Variants in TGIF1 observed in about 807,000 individuals in gnomAD.
TGIF1 encodes the protein homeobox protein TGIF1.
Under a neutral mutation model 19.3 loss-of-function variants are expected in TGIF1, and 4 were observed. That is an observed-to-expected ratio of 0.21 (90% CI 0.10 to 0.47). The LOEUF (loss-of-function observed/expected upper bound fraction) is 0.47, where lower values mean the gene tolerates loss of function less well. Among genes scored for constraint, TGIF1 ranks in the 20% least tolerant of loss-of-function variants. TGIF1 has a pLI of 0.98. For synonymous variants in TGIF1, 122 were observed against 129.3 expected (o/e 0.94, Z 0.38); for missense variants, 275 against 341.4 (o/e 0.81, Z 1.53).
At chr18:3,452,301 C>T in intron 1 of TGIF1, 2 of 1,612,684 alleles carry the variant, frequency 1.2e-6, no homozygotes, top group South Asian at 2.2e-5. Flanking sequence ...CCGCCGGCCG[C>T]ATCGGTGGGA....
intron 2 of TGIF1, among the ~76,000 whole-genome samples, chr18:3,423,639 C>T (rs990034996): frequency 1.7e-4 from 26 of 151,908 alleles, no homozygotes; most frequent in Non-Finnish European, 2.4e-4. Context: ...GCAGAGATCG[C>T]GCCACTGCCC....
At chr18:3,447,620 G>C (rs1216583545), upstream of TGIF1, 1 of 1,110,020 alleles carries the variant, frequency 9.0e-7, no homozygotes, top group Non-Finnish European at 1.4e-6. Context: ...AGCGTTGGCT[G>C]GGGGGAGGCA....
chr18:3,458,013 T>C lies in TGIF1; in HGVS notation c.*73T>C. The C allele has an allele frequency of 7.6e-7, 1 of 1,321,922 alleles. No homozygotes were observed. The highest frequency in any genetic ancestry group is 1.0e-6 in the Non-Finnish European group (1 of 955,356). 81.9% of individuals were successfully genotyped at this position (1,321,922 alleles called of 1,614,324 possible). ...TGAAGGCAAGAGATGAATTGCATTA[T>C]TTTATATATTTTTTATTAATATTTG... On this transcript the variant is annotated 3_prime_UTR_variant, in exon 3 of 3. Coordinates refer to ENST00000343820, the MANE Select transcript of TGIF1 (RefSeq NM_003244.4).
intron 1 of TGIF1, among the ~76,000 whole-genome samples, chr18:3,413,579 G>GT (rs11368421): frequency 0.13 from 20,016 of 151,064 alleles, 2,763 homozygotes; most frequent in African/African-American, 0.36. Flanking sequence ...ATTTTATAAG[G>GT]TTTTTTTTTG....
intron 2 of TGIF1, among the ~76,000 whole-genome samples, chr18:3,419,170 G>T (rs749521820): frequency 2.0e-5 from 3 of 152,158 alleles, no homozygotes; most frequent in Non-Finnish European, 4.4e-5. Context: ...ATTCATATAA[G>T]ATTAAAGCAT....
chr18:3,435,902 C>A (rs113663863), intron 2 of TGIF1, among the ~76,000 whole-genome samples: 1 of 151,896 alleles, frequency 6.6e-6, no homozygotes, highest in African/African-American at 2.4e-5. Context: ...ACTCTGTCAC[C>A]CAGGCTGGAG....
upstream of TGIF1, among the ~76,000 whole-genome samples, chr18:3,446,333 G>A (rs1448710902): frequency 2.0e-5 from 3 of 152,098 alleles, no homozygotes; most frequent in African/African-American, 4.8e-5. Context: ...ACAGTCACAC[G>A]CCACCACGCC....
intron 1 of TGIF1, among the ~76,000 whole-genome samples, chr18:3,452,986 T>G (rs1230828535): frequency 1.3e-5 from 2 of 152,180 alleles, no homozygotes; most frequent in African/African-American, 2.4e-5. Flanking sequence ...GCTCCCAGTT[T>G]TTAACTGTTG....
intron 2 of TGIF1, among the ~76,000 whole-genome samples, chr18:3,438,695 A>G (rs918558624): frequency 1.3e-5 from 2 of 151,966 alleles, no homozygotes; most frequent in African/African-American, 2.4e-5. Context: ...AAGTAAAACA[A>G]TGTTCCTGGA....
At chr18:3,442,015 GA>G in intron 2 of TGIF1, among the ~76,000 whole-genome samples, 1 of 152,094 alleles carries the variant, frequency 6.6e-6, no homozygotes, top group Admixed American at 6.5e-5. Context: ...CAATTAAAAA[GA>G]AAAAGAAAGC....
chr18:3,443,517 ACT>A (rs1176129898), intron 2 of TGIF1, among the ~76,000 whole-genome samples: 1 of 151,984 alleles, frequency 6.6e-6, no homozygotes, highest in African/African-American at 2.4e-5. Context: ...GCAGGCTCTA[ACT>A]CTGTGCACTA....
In TGIF1 at chr18:3,451,353, G is replaced by C. The variant is rs1459899696; in HGVS notation, c.16+848G>C. ...AAAACAAAATACACCGGAGGGGGAC[G>C]GGGGGTGGAGAAACCACACAAAACA... On this transcript the variant is annotated intron_variant, in intron 1 of 2. Transcript: ENST00000343820. This position sits in a 1 kb window ranked among gnomAD's most constrained non-coding sequence, Gnocchi z 5.4. The C allele has an allele frequency of 1.0e-6, 1 of 984,428 alleles. No homozygotes were observed. Among genetic ancestry groups the C allele is most frequent in the Non-Finnish European group, 1.2e-6 (1 of 829,526 alleles). The allele number at this position is 984,428 out of a possible 1,614,324, so 61.0% of individuals were successfully genotyped here. A position where few individuals can be genotyped will look rare whatever the true frequency, so the allele number is the denominator to read the frequency against.
chr18:3,444,028 G>A lies in TGIF1; in HGVS notation c.-44-12326G>A, dbSNP rs372410847. On this transcript the variant is annotated intron_variant, in intron 2 of 3. Coordinates refer to the TGIF1 transcript ENST00000401449. ...CGGCTCACTGCAACCTCCACCTCCC[G>A]GGTTCAAACGATTCTCCTGCCTCAG... Among the ~76,000 whole-genome samples the A allele has an allele frequency of 5.3e-5, 8 of 150,100 alleles. No individual in the cohort carries two copies. In the East Asian group the frequency reaches 9.9e-4, roughly 19 times the overall value.
intron 1 of TGIF1, chr18:3,453,758 A>G: frequency 1.0e-6 from 1 of 981,124 alleles, no homozygotes; most frequent in Non-Finnish European, 1.2e-6. Flanking sequence ...TCCTCAGGCC[A>G]TGTTGTGGCT....
intron 2 of TGIF1, among the ~76,000 whole-genome samples, chr18:3,421,792 G>A (rs2082401968): frequency 6.6e-6 from 1 of 152,006 alleles, no homozygotes; most frequent in Non-Finnish European, 1.5e-5. Flanking sequence ...CCTCAGGCAG[G>A]TCCTTCAGGA....
At chr18:3,427,977 C>T (rs2082495587) in intron 2 of TGIF1, among the ~76,000 whole-genome samples, 1 of 152,238 alleles carries the variant, frequency 6.6e-6, no homozygotes, top group African/African-American at 2.4e-5. Flanking sequence ...GTGGTGGCCA[C>T]ACCCCTGGGG....
At chr18:3,429,547 C>T (rs1029159422) in intron 2 of TGIF1, among the ~76,000 whole-genome samples, 2 of 151,974 alleles carry the variant, frequency 1.3e-5, no homozygotes, top group Non-Finnish European at 2.9e-5. Flanking sequence ...CATCCGCTAC[C>T]ATGGGCTTTA....
intron 1 of TGIF1, among the ~76,000 whole-genome samples, chr18:3,414,493 G>A (rs76837522): frequency 0.034 from 5,120 of 152,192 alleles, 293 homozygotes; most frequent in African/African-American, 0.12. Flanking sequence ...TCTAAGTCTA[G>A]CCCCAGTTGG....
chr18:3,439,893 C>T (rs761886983), intron 2 of TGIF1, among the ~76,000 whole-genome samples: 35 of 151,696 alleles, frequency 2.3e-4, no homozygotes, highest in Non-Finnish European at 4.4e-4. Context: ...TTGTCGTGGG[C>T]GCCTTTGGTC....
Sources: gnomAD v4.1 joint callset for allele counts (sites outside exome capture counted in the v4.1 genomes callset) on GRCh38, gnomAD v4.1.1 for gene constraint, Gnocchi (gnomAD v3.1) non-coding constraint, MANE v1.5 for transcripts, NCBI Gene and HGNC (gene_info 2026-07-23, HGNC 2026-07-21) for gene names.